KIF13A: variants seen among roughly 807,000 people sequenced by gnomAD.
The protein encoded by KIF13A is kinesin family member 13A.
In KIF13A, 79 loss-of-function variants were observed where a neutral mutation model predicts 212.2. That is an observed-to-expected ratio of 0.37 (90% CI 0.31 to 0.45). KIF13A has a LOEUF of 0.45. Among genes scored for constraint, KIF13A ranks in the 20% least tolerant of loss-of-function variants. The probability of loss-of-function intolerance (pLI) is 1.00; values close to 1 mark genes in which losing one functional copy is unlikely to be tolerated. For missense variants in KIF13A, 1,901 were observed against 2,209.0 expected (o/e 0.86, Z 2.79); for synonymous variants, 789 against 808.6 (o/e 0.98, Z 0.41).
At chr6:17,788,595 T>C (rs1476133128) in intron 26 of KIF13A, among the ~76,000 whole-genome samples, 2 of 152,230 alleles carry the variant, frequency 1.3e-5, no homozygotes, top group Non-Finnish European at 2.9e-5. Flanking sequence ...CGTGGAATTA[T>C]GAGTAGGGAA....
In KIF13A at chr6:17,843,580, C is replaced by T. The variant is rs996699211; in HGVS notation, c.830+5797G>A. Among the ~76,000 whole-genome samples, 1 of 152,130 alleles carries T rather than the reference C, an allele frequency of 6.6e-6. No individual in the cohort carries two copies. Among genetic ancestry groups the T allele is most frequent in the Non-Finnish European group, 1.5e-5 (1 of 68,028 alleles). The stretch of plus-strand genomic sequence containing the variant: ...CGATGTTTGGAATGATAGAGCTATC[C>T]TGAGATCATGAAGATGACATGAACA... On this transcript the variant is annotated intron_variant, in intron 9 of 38. Transcript: ENST00000259711. The surrounding 1 kb of genome is among the most constrained non-coding windows in gnomAD (Gnocchi z 5.3).
rs1041703743 is a variant in KIF13A, at chr6:17,843,140, A to G, written c.831-5557T>C. On this transcript the variant is annotated intron_variant, in intron 9 of 38. Coordinates refer to ENST00000259711, the MANE Select transcript of KIF13A (RefSeq NM_022113.6). This position sits in a 1 kb window ranked among gnomAD's most constrained non-coding sequence, Gnocchi z 5.3. The stretch of plus-strand genomic sequence containing the variant: ...GCAGACGGTGTAATTTGCCATACAC[A>G]TTCCTCCATGCAATTACTGTGCTTG... Among the ~76,000 whole-genome samples the G allele has an allele frequency of 6.6e-6, 1 of 152,212 alleles. No individual in the cohort carries two copies. The highest frequency in any genetic ancestry group is 1.5e-5 in the Non-Finnish European group (1 of 68,038).
rs905253066 is a variant in KIF13A at position 17,799,631 on chromosome 6, G to A, written c.2617-192C>T. Reference sequence around the variant, plus strand: ...TCTGTACCACAGTTCTGTAACTATAGTATATAAACTTGGCAACAAATACAC... The same window carrying A: ...TCTGTACCACAGTTCTGTAACTATAATATATAAACTTGGCAACAAATACAC... On this transcript the variant is annotated intron_variant, in intron 21 of 38. Transcript: ENST00000259711. The surrounding 1 kb of genome is among the most constrained non-coding windows in gnomAD (Gnocchi z 4.4). Among the ~76,000 whole-genome samples the A allele has an allele frequency of 2.0e-5, 3 of 152,008 alleles. No individual in the cohort carries two copies. Among genetic ancestry groups the A allele is most frequent in the Admixed American group, 6.6e-5 (1 of 15,250 alleles).
chr6:17,984,152 G>C lies in KIF13A; in HGVS notation c.146+2902C>G, dbSNP rs537459414. Among the ~76,000 whole-genome samples the C allele has an allele frequency of 1.4e-4, 22 of 152,300 alleles. No homozygotes were observed. Among genetic ancestry groups the C allele is most frequent in the Middle Eastern group, 3.4e-3 (1 of 294 alleles). ...AGAGAAAGAGGAAACAGAGAATTTT[G>C]AAATTATGTGGTTCATGAAATGGCA... On this transcript the variant is annotated intron_variant, in intron 2 of 38. Transcript: ENST00000259711. This position sits in a 1 kb window ranked among gnomAD's most constrained non-coding sequence, Gnocchi z 5.0.
rs963595454 is a variant in KIF13A at position 17,899,004 on chromosome 6, T to G, written c.147-824A>C. 1.3e-5 allele frequency among the ~76,000 whole-genome samples: 2 copies of G among 151,996 alleles called. No individual in the cohort carries two copies. The highest frequency in any genetic ancestry group is 4.8e-5 in the African/African-American group (2 of 41,376). On this transcript the variant is annotated intron_variant, in intron 2 of 38. Coordinates refer to ENST00000259711, the MANE Select transcript of KIF13A (RefSeq NM_022113.6). The surrounding 1 kb of genome is among the most constrained non-coding windows in gnomAD (Gnocchi z 5.2). ...GTGTGTGCCACCACACCTGGGTAAT[T>G]TTTTACTTTCTTAAGAGACACTATG...
rs192092016 is a variant in KIF13A, at chr6:17,915,380, A to G, written c.147-17200T>C. 6.6e-6 allele frequency among the ~76,000 whole-genome samples: 1 copy of G among 152,312 alleles called. No homozygotes were observed. Among genetic ancestry groups the G allele is most frequent in the East Asian group, 1.9e-4 (1 of 5,178 alleles). On this transcript the variant is annotated intron_variant, in intron 2 of 38. Transcript: ENST00000259711. The surrounding 1 kb of genome is among the most constrained non-coding windows in gnomAD (Gnocchi z 4.4). ...ATAGAGCTGGTGTGGGGTTAAGTGA[A>G]TTAACATATTATAAAGCTTTTAAAA...
chr6:17,896,802 G>T (rs759113194), intron 3 of KIF13A, among the ~76,000 whole-genome samples: 62 of 152,274 alleles, frequency 4.1e-4, no homozygotes, highest in Non-Finnish European at 7.5e-4. Context: ...CCTTCACTAA[G>T]CAGGCATATG....
At position 17,899,077 on chromosome 6, in the gene KIF13A, C is replaced by T. The variant is rs563438842; in HGVS notation, c.147-897G>A. Among the ~76,000 whole-genome samples the T allele has an allele frequency of 4.4e-4, 67 of 152,300 alleles. No homozygotes were observed. The highest frequency in any genetic ancestry group is 1.5e-3 in the African/African-American group (63 of 41,552). ...TCCTGACCTCAAGCAATCCCCCCAC[C>T]TCAGCCTCCCAAAGTGCTGGGATTA... On this transcript the variant is annotated intron_variant, in intron 2 of 38. Coordinates refer to ENST00000259711, the MANE Select transcript of KIF13A (RefSeq NM_022113.6). The surrounding 1 kb of genome is among the most constrained non-coding windows in gnomAD (Gnocchi z 5.2).
intron 16 of KIF13A, among the ~76,000 whole-genome samples, chr6:17,819,011 T>A (rs1488484192): frequency 6.6e-6 from 1 of 150,612 alleles, no homozygotes; most frequent in African/African-American, 2.4e-5. Context: ...TTTTTTTTTT[T>A]TTTTTTGAGA....
intron 2 of KIF13A, among the ~76,000 whole-genome samples, chr6:17,946,894 C>T (rs1272296819): frequency 6.6e-6 from 1 of 152,156 alleles, no homozygotes; most frequent in Non-Finnish European, 1.5e-5. Flanking sequence ...TCAACACGGA[C>T]AAATGAATCT....
At chr6:17,959,830 A>G (rs1778661425) in intron 2 of KIF13A, among the ~76,000 whole-genome samples, 1 of 152,126 alleles carries the variant, frequency 6.6e-6, no homozygotes, top group South Asian at 2.1e-4. Context: ...TCGAGACCAG[A>G]CTGACCAACA....
At chr6:17,908,413 AAC>A (rs1773718158) in intron 2 of KIF13A, among the ~76,000 whole-genome samples, 1 of 152,132 alleles carries the variant, frequency 6.6e-6, no homozygotes, top group South Asian at 2.1e-4. Context: ...CAGCCTGAGC[AAC>A]AGAGTAAGAC....
At chr6:17,882,311 T>C (rs1002295269) in intron 3 of KIF13A, among the ~76,000 whole-genome samples, 24 of 152,318 alleles carry the variant, frequency 1.6e-4, no homozygotes, top group African/African-American at 4.3e-4. Context: ...GCTTACAGTC[T>C]AGTTAAAAAG....
rs7750513 is a variant in KIF13A at position 17,783,848 on chromosome 6, C to T, written c.3489-147G>A. 0.014 allele frequency: 9,292 copies of T among 641,152 alleles called. 653 individuals are homozygous for T. The African/African-American group carries it at 0.15, about 10-fold the overall frequency. The allele number at this position is 641,152 out of a possible 1,614,324, so 39.7% of individuals were successfully genotyped here. On this transcript the variant is annotated intron_variant, in intron 28 of 38. Coordinates refer to ENST00000259711, the MANE Select transcript of KIF13A (RefSeq NM_022113.6). This position sits in a 1 kb window ranked among gnomAD's most constrained non-coding sequence, Gnocchi z 4.3. ...GAAATACTTTCATATTTCTTGACTT[C>T]CCTGTAGACATAAATCATGGGAATT...
chr6:17,794,670 TC>T lies in KIF13A; in HGVS notation c.2976del (p.Trp992Ter). 6.2e-7 allele frequency: 1 copy of T among 1,612,102 alleles called. No homozygotes were observed. The highest frequency in any genetic ancestry group is 8.5e-7 in the Non-Finnish European group (1 of 1,179,450). ...AACTCATTCAATTCTAATATGGAGA[TC>T]CACATTTCTATTCTTCGCGTTACTT... Reference protein sequence around the residue: ...WNEVTRRIEMWISILELNELG... With the variant: ...WNEVTRRIEMXISILELNELG... On this transcript the variant is annotated frameshift_variant, in exon 24 of 39. Coordinates refer to ENST00000259711, the MANE Select transcript of KIF13A (RefSeq NM_022113.6). LOFTEE classifies it high-confidence loss of function. This position sits in a 1 kb window ranked among gnomAD's most constrained non-coding sequence, Gnocchi z 4.1.
intron 3 of KIF13A, among the ~76,000 whole-genome samples, chr6:17,893,834 T>G (rs1290746366): frequency 7.3e-5 from 1 of 13,740 alleles, no homozygotes; most frequent in Admixed American, 4.2e-4. Context: ...TCCTGCATCT[T>G]TTTTTTTTTT....
At chr6:17,827,331 A>G (rs1391460602) in intron 14 of KIF13A, among the ~76,000 whole-genome samples, 1 of 152,084 alleles carries the variant, frequency 6.6e-6, no homozygotes, top group African/African-American at 2.4e-5. Flanking sequence ...TCCTGGACTC[A>G]GGCAATATGC....
chr6:17,848,797 G>A (rs1161017627), intron 9 of KIF13A, among the ~76,000 whole-genome samples: 2 of 152,008 alleles, frequency 1.3e-5, no homozygotes, highest in Non-Finnish European at 2.9e-5. Context: ...AGGTAGAGAA[G>A]GGGTTTTGTC....
intron 16 of KIF13A, among the ~76,000 whole-genome samples, chr6:17,819,141 A>C (rs1484537657): frequency 6.6e-6 from 1 of 151,772 alleles, no homozygotes; most frequent in African/African-American, 2.4e-5. Context: ...CTGGGACTAC[A>C]GGTGCCCACC....
Sources: allele counts gnomAD v4.1 joint callset (sites outside exome capture counted in the v4.1 genomes callset), GRCh38; gene constraint gnomAD v4.1.1; non-coding constraint Gnocchi (gnomAD v3.1); transcripts MANE v1.5; gene names NCBI Gene and HGNC (gene_info 2026-07-23, HGNC 2026-07-21).